E2F2: variants seen among roughly 807,000 people sequenced by gnomAD.
The protein encoded by E2F2 is E2F transcription factor 2.
A neutral mutation model predicts 42.2 loss-of-function variants in E2F2; 22 were observed. The ratio of observed to expected loss-of-function variants is 0.52; its 90% CI spans 0.37 to 0.74. The LOEUF (loss-of-function observed/expected upper bound fraction) is 0.74. E2F2 is among the 30% of genes least tolerant of loss of function. The pLI is 0.00. For missense variants in E2F2, 481 were observed against 557.8 expected (o/e 0.86, Z 1.39); for synonymous variants, 248 against 251.6 (o/e 0.99, Z 0.13).
At chr1:23,521,778 G>A in intron 3 of E2F2, 59 bp downstream of exon 3, 1 of 1,596,164 alleles carries the variant, frequency 6.3e-7, no homozygotes, top group Admixed American at 1.7e-5. Flanking sequence ...TATTGCCTCT[G>A]GCTCCGCCCA....
At position 23,530,584 on chromosome 1, in the gene E2F2, G is replaced by A; in HGVS notation, c.210C>T (p.Pro70=). 1.2e-6 allele frequency: 2 copies of A among 1,612,752 alleles called. No individual in the cohort carries two copies. Among genetic ancestry groups the A allele is most frequent in the South Asian group, 1.1e-5 (1 of 91,046 alleles). ...GCAGGCATCGCACAACTTGGCCCTCGGGTCCGTGGGGAGTGGCGTCGAGGC... is the reference window on the plus strand; with the variant it reads ...GCAGGCATCGCACAACTTGGCCCTCAGGTCCGTGGGGAGTGGCGTCGAGGC... ...GTCLDATPHG[P]EGQVVRCLPA... is the part of the protein sequence containing the mutation. The change falls in exon 1 of 7, where the codon CCC becomes CCT. Residue 70 remains proline (P), a synonymous_variant. Transcript: ENST00000361729. The surrounding 1 kb of genome is among the most constrained non-coding windows in gnomAD (Gnocchi z 4.4).
chr1:23,515,079 T>A (rs1215762433), intron 6 of E2F2, among the ~76,000 whole-genome samples: 1 of 152,188 alleles, frequency 6.6e-6, no homozygotes, highest in Non-Finnish European at 1.5e-5. Flanking sequence ...GCCTCTTCCA[T>A]CAGCCCAGCT....
At chr1:23,529,326 C>G (rs547105017) in intron 1 of E2F2, among the ~76,000 whole-genome samples, 1 of 152,286 alleles carries the variant, frequency 6.6e-6, no homozygotes, top group African/African-American at 2.4e-5. Context: ...AGTTAGAAAT[C>G]ATGTGCAGGA....
chr1:23,523,497 C>T (rs2124254719), intron 2 of E2F2, among the ~76,000 whole-genome samples: 1 of 152,234 alleles, frequency 6.6e-6, no homozygotes, highest in African/African-American at 2.4e-5. Flanking sequence ...GGCAGCAACC[C>T]CCTCCAACTT....
intron 6 of E2F2, among the ~76,000 whole-genome samples, chr1:23,513,840 C>T (rs1262210954): frequency 6.6e-6 from 1 of 151,956 alleles, no homozygotes; most frequent in African/African-American, 2.4e-5. Flanking sequence ...AACTTCACAC[C>T]CGGCTGGGCT....
chr1:23,523,222 G>A (rs1204952433), intron 2 of E2F2, among the ~76,000 whole-genome samples: 2 of 151,196 alleles, frequency 1.3e-5, no homozygotes, highest in African/African-American at 4.9e-5. Flanking sequence ...GCAGTGGTGC[G>A]ATCTTGGCTC....
At chr1:23,515,265 T>C (rs927225878) in intron 6 of E2F2, among the ~76,000 whole-genome samples, 1 of 152,218 alleles carries the variant, frequency 6.6e-6, no homozygotes, top group African/African-American at 2.4e-5. Flanking sequence ...AGGCTTCCAT[T>C]TGTACTCCTT....
chr1:23,520,871 G>A, intron 4 of E2F2, 42 bp downstream of exon 4: 3 of 1,496,518 alleles, frequency 2.0e-6, no homozygotes, highest in Non-Finnish European at 2.7e-6. Context: ...ACATGCAACA[G>A]GTTCCTGCTC....
chr1:23,512,155 G>A (rs555480825), intron 6 of E2F2, among the ~76,000 whole-genome samples: 2 of 152,212 alleles, frequency 1.3e-5, no homozygotes, highest in Non-Finnish European at 2.9e-5. Context: ...GCAAGATCAC[G>A]CCACTGCACT....
intron 3 of E2F2, 139 bp from the exon 4 acceptor site, chr1:23,521,210 A>T: frequency 1.9e-6 from 2 of 1,074,536 alleles, no homozygotes; most frequent in Non-Finnish European, 2.5e-6. Context: ...GCTACCAGGG[A>T]TTGGAACCAG....
At position 23,509,489 on chromosome 1, in the gene E2F2, A is replaced by C. The variant is rs1454042328; in HGVS notation, c.*391T>G. 1 of 161,146 alleles carries C rather than the reference A, an allele frequency of 6.2e-6. No individual in the cohort carries two copies. Among genetic ancestry groups the C allele is most frequent in the East Asian group, 1.8e-4 (1 of 5,676 alleles). 10.0% of individuals were successfully genotyped at this position (161,146 alleles called of 1,614,324 possible). On this transcript the variant is annotated 3_prime_UTR_variant, in exon 7 of 7. Coordinates refer to ENST00000361729, the MANE Select transcript of E2F2 (RefSeq NM_004091.4). ...AAAACTCAGGGAGGACAAACAAACA[A>C]CTCAACCTGAAATAAATACAAAGGC...
chr1:23,516,344 C>T lies in E2F2; in HGVS notation c.1036G>A (p.Ala346Thr). The T allele has an allele frequency of 1.9e-6, 3 of 1,542,224 alleles. No homozygotes were observed. Among genetic ancestry groups the T allele is most frequent in the Middle Eastern group, 1.9e-4 (1 of 5,220 alleles). The change falls in exon 6 of 7, where the codon GCA becomes ACA. Residue 346 changes from alanine (A) to threonine (T), a missense_variant. Ala to Thr is a moderately conservative substitution (Grantham distance 58). Transcript: ENST00000361729. ...TGGACAAGGGACCTACCTGAGGATG[C>T]TGTGGGCTCCATGATGCTAGGGTCG... ...STDPSIMEPT[A>T]SSVPAPAPTP...
At chr1:23,521,624 A>G in intron 3 of E2F2, 1 of 983,346 alleles carries the variant, frequency 1.0e-6, no homozygotes, top group Non-Finnish European at 1.2e-6. Context: ...CGATTACTTC[A>G]GCAGGTACAC....
chr1:23,514,485 C>T (rs1428356126), intron 6 of E2F2, among the ~76,000 whole-genome samples: 1 of 152,028 alleles, frequency 6.6e-6, no homozygotes, highest in Non-Finnish European at 1.5e-5. Context: ...AGCCACTTGC[C>T]CTCTCTGGGC....
rs928628034 is a variant in E2F2 at position 23,506,854 on chromosome 1, T to C, written c.*3026A>G. The C allele has an allele frequency of 6.6e-5, 10 of 152,308 alleles. No homozygotes were observed. Among genetic ancestry groups the C allele is most frequent in the African/African-American group, 2.2e-4 (9 of 41,448 alleles). The allele number at this position is 152,308 out of a possible 1,614,324, so 9.4% of individuals were successfully genotyped here. ...ACTGCAGAATGGAGGTTGAGAACACTTGGGGAGGGAGAACAAAGTCAGAAC... is the reference window on the plus strand; with the variant it reads ...ACTGCAGAATGGAGGTTGAGAACACCTGGGGAGGGAGAACAAAGTCAGAAC... On this transcript the variant is annotated 3_prime_UTR_variant, in exon 7 of 7. Transcript: ENST00000361729.
downstream of E2F2, among the ~76,000 whole-genome samples, chr1:23,505,575 C>T (rs1307070404): frequency 6.6e-6 from 1 of 152,114 alleles, no homozygotes; most frequent in Non-Finnish European, 1.5e-5. Context: ...TGCAATGGCG[C>T]CATCTCGGCT....
At chr1:23,523,152 A>AG (rs1387621760) in intron 2 of E2F2, among the ~76,000 whole-genome samples, 6 of 133,204 alleles carry the variant, frequency 4.5e-5, no homozygotes, top group Non-Finnish European at 3.2e-5. Flanking sequence ...TGCTCTAACC[A>AG]GGATTTTTTT....
At position 23,507,603 on chromosome 1, in the gene E2F2, G is replaced by A. The variant is rs971139800; in HGVS notation, c.*2277C>T. On this transcript the variant is annotated 3_prime_UTR_variant, in exon 7 of 7. Coordinates refer to ENST00000361729, the MANE Select transcript of E2F2 (RefSeq NM_004091.4). ...CTCTGTGGAAGTCGGGAGGCTTCAA[G>A]TGTCACTGGCAAGACGGGGGCATGA... 1.3e-5 allele frequency: 2 copies of A among 152,260 alleles called. No individual in the cohort carries two copies. Among genetic ancestry groups the A allele is most frequent in the African/African-American group, 4.8e-5 (2 of 41,440 alleles). 9.4% of individuals were successfully genotyped at this position (152,260 alleles called of 1,614,324 possible).
At chr1:23,518,072 G>A (rs1282335582) in intron 5 of E2F2, among the ~76,000 whole-genome samples, 1 of 152,218 alleles carries the variant, frequency 6.6e-6, no homozygotes, top group Non-Finnish European at 1.5e-5. Context: ...TCAGGAGGGT[G>A]AGGTGGGAGG....
Sources: gnomAD v4.1 joint callset for allele counts (sites outside exome capture counted in the v4.1 genomes callset) on GRCh38, gnomAD v4.1.1 for gene constraint, Gnocchi (gnomAD v3.1) non-coding constraint, MANE v1.5 for transcripts, NCBI Gene and HGNC (gene_info 2026-07-23, HGNC 2026-07-21) for gene names.